Variants in DOCK10 observed in about 807,000 individuals in gnomAD.
DOCK10 encodes dedicator of cytokinesis 10.
DOCK10 carries 145 observed loss-of-function variants against 280.1 expected under a neutral mutation model. The observed-to-expected ratio is 0.52, with a 90% CI of 0.45 to 0.59. The LOEUF is 0.59. DOCK10 is among the 20% of genes least tolerant of loss of function. The probability of loss-of-function intolerance (pLI) is 0.00; values close to 1 mark genes in which losing one functional copy is unlikely to be tolerated. For synonymous variants in DOCK10, 915 were observed against 942.2 expected (o/e 0.97, Z 0.53); for missense variants, 2,368 against 2,651.7 (o/e 0.89, Z 2.35).
intron 1 of DOCK10, among the ~76,000 whole-genome samples, chr2:224,994,740 G>A (rs979384632): frequency 1.3e-5 from 2 of 152,140 alleles, no homozygotes; most frequent in Non-Finnish European, 2.9e-5. Context: ...CTCACTTTAT[G>A]TAGCTCTTTT....
At chr2:225,029,443 A>T (rs1235358235) in intron 1 of DOCK10, among the ~76,000 whole-genome samples, 1 of 152,104 alleles carries the variant, frequency 6.6e-6, no homozygotes, top group Non-Finnish European at 1.5e-5. Flanking sequence ...TAGTGCTGGG[A>T]TTACAGGCAT....
At position 224,914,069 on chromosome 2, in the gene DOCK10, T is replaced by C. The variant is rs1019056198; in HGVS notation, c.333+2626A>G. On this transcript the variant is annotated intron_variant, in intron 3 of 55. Coordinates refer to ENST00000258390, the MANE Select transcript of DOCK10 (RefSeq NM_014689.3). Reference sequence around the variant, plus strand: ...TTTGTTTTTAAAACTTAGATTCTTTTTTTCATCTGGAATTTATTTTTGTAT... The same window carrying C: ...TTTGTTTTTAAAACTTAGATTCTTTCTTTCATCTGGAATTTATTTTTGTAT... Among the ~76,000 whole-genome samples, 4 of 152,310 alleles carry C rather than the reference T, an allele frequency of 2.6e-5. No homozygotes were observed. The East Asian group carries it at 5.8e-4, about 22-fold the overall frequency.
intron 13 of DOCK10, 147 bp from the exon 14 acceptor site, chr2:224,862,893 C>T (rs1413783104): frequency 1.8e-5 from 8 of 444,372 alleles, no homozygotes; most frequent in Non-Finnish European, 2.7e-5. Context: ...TATAAAGAGC[C>T]AAATGGTGTC....
chr2:224,777,180 G>C (rs747162272), intron 51 of DOCK10, among the ~76,000 whole-genome samples: 1 of 152,224 alleles, frequency 6.6e-6, no homozygotes, highest in South Asian at 2.1e-4. Flanking sequence ...GAGCCAAGAG[G>C]AAGGTAACTG....
At chr2:224,956,584 A>G (rs889588929) in intron 1 of DOCK10, among the ~76,000 whole-genome samples, 2 of 141,440 alleles carry the variant, frequency 1.4e-5, no homozygotes, top group African/African-American at 5.3e-5. Context: ...AGATTGCACC[A>G]CTGCGCTCCA....
At chr2:224,992,629 T>A (rs1025546893) in intron 1 of DOCK10, among the ~76,000 whole-genome samples, 9 of 152,224 alleles carry the variant, frequency 5.9e-5, no homozygotes, top group African/African-American at 2.2e-4. Flanking sequence ...CTTAAAGTTT[T>A]TGTTCCTATT....
intron 1 of DOCK10, among the ~76,000 whole-genome samples, chr2:224,956,625 G>GAAAAAA (rs3083983): frequency 2.5e-5 from 2 of 78,654 alleles, no homozygotes; most frequent in African/African-American, 5.4e-5. Flanking sequence ...CGCTACCTCA[G>GAAAAAA]AAAAAAAAAA....
At chr2:224,920,135 C>T (rs570283546) in intron 2 of DOCK10, among the ~76,000 whole-genome samples, 1 of 152,136 alleles carries the variant, frequency 6.6e-6, no homozygotes, top group East Asian at 1.9e-4. Flanking sequence ...TGCAGTGGTA[C>T]AATCACAGCT....
chr2:224,941,093 T>C (rs183759251), intron 1 of DOCK10, among the ~76,000 whole-genome samples: 1 of 152,304 alleles, frequency 6.6e-6, no homozygotes, highest in African/African-American at 2.4e-5. Flanking sequence ...TGGTTATTAT[T>C]TTTCTACTAC....
intron 2 of DOCK10, among the ~76,000 whole-genome samples, chr2:224,930,688 T>C (rs777478214): frequency 3.9e-5 from 6 of 152,180 alleles, no homozygotes; most frequent in Non-Finnish European, 8.8e-5. Context: ...TGCTCCCTGA[T>C]AGAGGTTTGC....
chr2:224,862,851 G>A (rs542031842), intron 13 of DOCK10, 105 bp from the exon 14 acceptor site: 10 of 703,836 alleles, frequency 1.4e-5, no homozygotes, highest in Non-Finnish European at 2.0e-5. Context: ...CTGAAACTCA[G>A]CGTAACTGTG....
chr2:225,035,562 A>AATATATAT (rs1690218041), intron 1 of DOCK10, among the ~76,000 whole-genome samples: 2 of 53,518 alleles, frequency 3.7e-5, no homozygotes, highest in African/African-American at 4.9e-5. Flanking sequence ...ATATATATAT[A>AATATATAT]TATATATATA....
chr2:224,772,247 G>A (rs1408894039), intron 53 of DOCK10, among the ~76,000 whole-genome samples: 1 of 152,100 alleles, frequency 6.6e-6, no homozygotes, highest in Admixed American at 6.6e-5. Flanking sequence ...GTCCAATATA[G>A]CTGTGCAGGG....
At chr2:224,932,608 T>G (rs886148554) in intron 1 of DOCK10, among the ~76,000 whole-genome samples, 1 of 152,190 alleles carries the variant, frequency 6.6e-6, no homozygotes, top group Non-Finnish European at 1.5e-5. Context: ...CCTAGAAGCT[T>G]GAGTGGTTCC....
chr2:224,987,137 G>C (rs1213348891), intron 1 of DOCK10, among the ~76,000 whole-genome samples: 1 of 152,092 alleles, frequency 6.6e-6, no homozygotes, highest in Non-Finnish European at 1.5e-5. Flanking sequence ...CCAAATCCAA[G>C]TGAAATGACA....
chr2:224,840,115 A>C (rs1391155800), intron 23 of DOCK10, 43 bp from the exon 24 acceptor site: 2 of 953,348 alleles, frequency 2.1e-6, no homozygotes, highest in East Asian at 5.3e-5. Context: ...ATTAAATTTG[A>C]AGCATGTCCT....
chr2:224,836,368 A>G (rs1695593196), intron 25 of DOCK10, among the ~76,000 whole-genome samples: 1 of 152,236 alleles, frequency 6.6e-6, no homozygotes, highest in Admixed American at 6.5e-5. Context: ...CTTATTGGGT[A>G]AAATTATACA....
intron 1 of DOCK10, among the ~76,000 whole-genome samples, chr2:224,943,440 T>C (rs1402900001): frequency 2.0e-5 from 3 of 152,200 alleles, no homozygotes; most frequent in Non-Finnish European, 2.9e-5. Flanking sequence ...GAGCTCTGGA[T>C]AGGTATTTGA....
At chr2:224,872,115 T>C (rs1262424908) in intron 11 of DOCK10, among the ~76,000 whole-genome samples, 1 of 152,182 alleles carries the variant, frequency 6.6e-6, no homozygotes, top group Admixed American at 6.5e-5. Flanking sequence ...ATAAAACAGC[T>C]TCATTTTTTG....
Sources: gnomAD v4.1 joint callset for allele counts (sites outside exome capture counted in the v4.1 genomes callset) on GRCh38, gnomAD v4.1.1 for gene constraint, MANE v1.5 for transcripts, NCBI Gene and HGNC (gene_info 2026-07-23, HGNC 2026-07-21) for gene names.